The following RSRP1 variants were observed in gnomAD, a reference collection of about 807,000 sequenced individuals.
RSRP1 encodes the protein arginine and serine rich protein 1, also known as arginine/serine-rich protein 1.
In RSRP1, 37 loss-of-function variants were observed where a neutral mutation model predicts 33.0. The observed-to-expected ratio is 1.12, with a 90% confidence interval of 0.86 to 1.48. The LOEUF (loss-of-function observed/expected upper bound fraction) is 1.48. RSRP1 is among the 40% of genes most tolerant of loss of function. RSRP1 has a pLI of 0.00. For missense variants in RSRP1, 402 were observed against 385.3 expected, an observed-to-expected ratio of 1.04 and a Z score of -0.36; for synonymous variants, 167 against 158.7, an observed-to-expected ratio of 1.05 and a Z score of -0.40.
chr1:25,319,965 C>G (rs1246022527), intron 1 of RSRP1, among the ~76,000 whole-genome samples: 2 of 131,126 alleles, frequency 1.5e-5, no homozygotes, highest in African/African-American at 2.6e-5. Flanking sequence ...ATGGCGCTAT[C>G]TCGGCTCACT....
At chr1:25,245,118 A>C in intron 3 of RSRP1, 32 bp downstream of exon 3, 1 of 1,614,122 alleles carries the variant, frequency 6.2e-7, no homozygotes, top group African/African-American at 1.3e-5. Flanking sequence ...GGCTTTCTGA[A>C]AGTTTTGTTC....
At chr1:25,320,538 G>A (rs987264486) in intron 1 of RSRP1, among the ~76,000 whole-genome samples, 1 of 131,850 alleles carries the variant, frequency 7.6e-6, no homozygotes, top group African/African-American at 2.6e-5. Flanking sequence ...GCAGCACCAC[G>A]AAAGGGAAAT....
At chr1:25,270,726 C>T (rs1360234700) in intron 1 of RSRP1, among the ~76,000 whole-genome samples, 1 of 132,348 alleles carries the variant, frequency 7.6e-6, no homozygotes, top group African/African-American at 2.6e-5. Flanking sequence ...GCCCTGTGAC[C>T]TTGAGCAAGT....
chr1:25,242,873 G>A (rs1026584331), intron 4 of RSRP1, among the ~76,000 whole-genome samples, 168 bp from the exon 5 acceptor site: 7 of 152,164 alleles, frequency 4.6e-5, no homozygotes, highest in South Asian at 2.1e-4. Context: ...GACACGGGCG[G>A]ATCACGAGGT....
chr1:25,248,969 C>T (rs1639679903), upstream of RSRP1, among the ~76,000 whole-genome samples: 1 of 152,068 alleles, frequency 6.6e-6, no homozygotes, highest in Non-Finnish European at 1.5e-5. Flanking sequence ...GCCAACATGG[C>T]AAAACCCCAT....
At chr1:25,299,022 G>T (rs1643160583) in intron 1 of RSRP1, among the ~76,000 whole-genome samples, 1 of 120,232 alleles carries the variant, frequency 8.3e-6, no homozygotes, top group Non-Finnish European at 2.0e-5. Context: ...GCAGGGTGCT[G>T]GGAGGGCTGT....
At chr1:25,263,427 A>G (rs555571379) in intron 1 of RSRP1, among the ~76,000 whole-genome samples, 4 of 152,020 alleles carry the variant, frequency 2.6e-5, no homozygotes, top group African/African-American at 4.8e-5. Flanking sequence ...GCGAAAGGCA[A>G]TGAGGAGCAA....
At chr1:25,276,532 T>TACAAAAAAAAAAAAA (rs1640997280) in intron 1 of RSRP1, among the ~76,000 whole-genome samples, 1 of 64,786 alleles carries the variant, frequency 1.5e-5, no homozygotes, top group African/African-American at 7.2e-5. Context: ...CCCCCATCTC[T>TACAAAAAAAAAAAAA]AAAAAAAAAA....
In RSRP1 at chr1:25,260,544, T is replaced by A. The variant is rs181177110; in HGVS notation, c.-66-13515A>T. Among the ~76,000 whole-genome samples the A allele has an allele frequency of 2.0e-3, 301 of 152,334 alleles. 1 individual carries two copies. The highest frequency in any genetic ancestry group is 6.5e-3 in the African/African-American group (272 of 41,574). On this transcript the variant is annotated intron_variant, in intron 1 of 1. Transcript: ENST00000561867. ...ATTGTCTTTCACATTCTAAGGTGGT[T>A]CCACTCAGTGACTGAAATCCTTAAG...
rs2301155 is a variant in RSRP1 at position 25,284,589 on chromosome 1, C to T, written c.-66-37560G>A. On this transcript the variant is annotated intron_variant, in intron 1 of 1. Transcript: ENST00000561867. Reference sequence around the variant, plus strand: ...ACCGAGCAGTTGGCCAAGATCTGACCGTGATGGCGGCCATTGGCTTGGGCT... The same window carrying T: ...ACCGAGCAGTTGGCCAAGATCTGACTGTGATGGCGGCCATTGGCTTGGGCT... 6.0e-4 allele frequency: 833 copies of T among 1,389,154 alleles called. 23 individuals carry two copies. The Middle Eastern group carries it at 8.9e-3, about 15-fold the overall frequency. The allele number at this position is 1,389,154 out of a possible 1,614,324, so 86.1% of individuals were successfully genotyped here.
At chr1:25,288,342 T>TG (rs1266172219) in intron 1 of RSRP1, among the ~76,000 whole-genome samples, 1 of 121,744 alleles carries the variant, frequency 8.2e-6, no homozygotes, top group African/African-American at 2.8e-5. Flanking sequence ...ACACCTAGCT[T>TG]TTTTTTTTTT....
rs370398705 is a variant in RSRP1, at chr1:25,266,047, CA to C, written c.-66-19019del. ...AGTCCAGTAATTGTAACAAATATACCACAATAATGAAAGCCATTAATTATAG... is the reference window on the plus strand; with the variant it reads ...AGTCCAGTAATTGTAACAAATATACCCAATAATGAAAGCCATTAATTATAG... On this transcript the variant is annotated intron_variant, in intron 1 of 1. Coordinates refer to the RSRP1 transcript ENST00000561867. The C allele has an allele frequency of 9.4e-4, 109 of 115,828 alleles. 13 individuals are homozygous for C. Among genetic ancestry groups the C allele is most frequent in the East Asian group, 4.4e-3 (21 of 4,806 alleles). 7.2% of individuals were successfully genotyped at this position (115,828 alleles called of 1,614,324 possible). A position where few individuals can be genotyped will look rare whatever the true frequency, so the allele number is the denominator to read the frequency against.
intron 1 of RSRP1, among the ~76,000 whole-genome samples, chr1:25,288,544 A>G (rs2124635732): frequency 7.9e-6 from 1 of 126,084 alleles, no homozygotes; most frequent in East Asian, 2.0e-4. Context: ...GATAATAGCA[A>G]TAACCAACTC....
intron 1 of RSRP1, chr1:25,253,368 GT>G: frequency 6.6e-6 from 1 of 152,664 alleles, no homozygotes; most frequent in Non-Finnish European, 1.5e-5. Flanking sequence ...CCATTGTTTT[GT>G]TTTTTTGTTT....
chr1:25,242,962 C>T (rs1046161498), intron 4 of RSRP1, among the ~76,000 whole-genome samples: 15 of 152,142 alleles, frequency 9.9e-5, no homozygotes, highest in African/African-American at 3.1e-4. Context: ...TGGTGGCATG[C>T]GCCAGTAGTC....
chr1:25,289,385 G>T (rs1184312818), intron 1 of RSRP1, among the ~76,000 whole-genome samples: 1 of 128,010 alleles, frequency 7.8e-6, no homozygotes, highest in South Asian at 2.4e-4. Flanking sequence ...AGTTGAGACA[G>T]AGTTTCACCA....
intron 1 of RSRP1, chr1:25,267,849 C>A (rs942773635): frequency 7.6e-6 from 1 of 131,120 alleles, no homozygotes; most frequent in African/African-American, 2.6e-5. Flanking sequence ...ACTAGCACTC[C>A]CGACGTCCAG....
At position 25,288,012 on chromosome 1, in the gene RSRP1, T is replaced by C. The variant is rs186501015; in HGVS notation, c.-66-40983A>G. On this transcript the variant is annotated intron_variant, in intron 1 of 1. Coordinates refer to the RSRP1 transcript ENST00000561867. The stretch of plus-strand genomic sequence containing the variant: ...TACTGGGATTACAGGCGTGAGCCAC[T>C]GTGTCCAGCCTAAAACTGTTTTTGA... Among the ~76,000 whole-genome samples, 390 of 132,614 alleles carry C rather than the reference T, an allele frequency of 2.9e-3. 62 individuals are homozygous for C. Among genetic ancestry groups the C allele is most frequent in the African/African-American group, 9.6e-3 (375 of 38,960 alleles). 87.0% of individuals were successfully genotyped at this position (132,614 alleles called of 152,430 possible).
intron 1 of RSRP1, chr1:25,328,860 G>A: frequency 1.0e-6 from 1 of 1,001,406 alleles, no homozygotes; most frequent in African/African-American, 1.8e-5. Flanking sequence ...CAGTATGTGG[G>A]TTCATCTGCA....
Sources: allele counts gnomAD v4.1 joint callset (sites outside exome capture counted in the v4.1 genomes callset), GRCh38; gene constraint gnomAD v4.1.1; transcripts MANE v1.5; gene names NCBI Gene and HGNC (gene_info 2026-07-23, HGNC 2026-07-21).